The following LRRC8C variants were observed in gnomAD, a reference collection of about 807,000 sequenced individuals.
The protein encoded by LRRC8C is volume-regulated anion channel subunit LRRC8C.
Under a neutral mutation model 55.3 loss-of-function variants are expected in LRRC8C, and 20 were observed. The observed-to-expected ratio is 0.36, with a 90% CI of 0.25 to 0.53. The LOEUF (loss-of-function observed/expected upper bound fraction) is 0.53. Among genes scored for constraint, LRRC8C ranks in the 20% least tolerant of loss-of-function variants. The pLI is 0.92. For missense variants in LRRC8C, 659 were observed against 951.4 expected (o/e 0.69, Z 4.04); for synonymous variants, 376 against 360.7 (o/e 1.04, Z -0.48).
At chr1:89,631,253 G>A (rs1656099666), upstream of LRRC8C, among the ~76,000 whole-genome samples, 1 of 152,130 alleles carries the variant, frequency 6.6e-6, no homozygotes, top group South Asian at 2.1e-4. Flanking sequence ...TGTGGGTGGT[G>A]GGGAGGGGGC....
the LRRC8C span, among the ~76,000 whole-genome samples, chr1:89,620,903 G>A: frequency 6.2e-4 from 94 of 152,302 alleles, 1 homozygote; most frequent in South Asian, 0.018. Context: ...AGACCATGAC[G>A]ACTCCTCATT....
intron 1 of LRRC8C, among the ~76,000 whole-genome samples, chr1:89,671,310 A>G (rs1657407815): frequency 6.6e-6 from 1 of 152,068 alleles, no homozygotes; most frequent in South Asian, 2.1e-4. Flanking sequence ...AGAGGAGGAA[A>G]GGAGAAAAGG....
intron 1 of LRRC8C, among the ~76,000 whole-genome samples, chr1:89,644,845 G>C (rs1425297823): frequency 6.6e-6 from 1 of 152,214 alleles, no homozygotes; most frequent in East Asian, 1.9e-4. Flanking sequence ...TGCTTGAGCA[G>C]ACATTTTAGC....
At chr1:89,695,879 G>A (rs1199343183) in intron 2 of LRRC8C, among the ~76,000 whole-genome samples, 1 of 152,092 alleles carries the variant, frequency 6.6e-6, no homozygotes, top group East Asian at 1.9e-4. Context: ...AAAATGAGCA[G>A]GATAGGCATC....
chr1:89,657,194 TA>T (rs994302035), intron 1 of LRRC8C, among the ~76,000 whole-genome samples: 1 of 152,256 alleles, frequency 6.6e-6, no homozygotes, highest in African/African-American at 2.4e-5. Context: ...TATATACATC[TA>T]AGGCAATAAC....
chr1:89,711,910 T>A lies in LRRC8C; in HGVS notation c.139-799T>A, dbSNP rs140346164. Reference sequence around the variant, plus strand: ...TTTCCATTAAATTCATTCATATTGATCTATACATACAGTCTAGAATATGTG... The same window carrying A: ...TTTCCATTAAATTCATTCATATTGAACTATACATACAGTCTAGAATATGTG... On this transcript the variant is annotated intron_variant, in intron 2 of 2. Transcript: ENST00000370454. Among the ~76,000 whole-genome samples the A allele has an allele frequency of 2.1e-3, 324 of 152,336 alleles. 2 individuals carry two copies. Among genetic ancestry groups the A allele is most frequent in the African/African-American group, 7.3e-3 (305 of 41,574 alleles).
At chr1:89,682,823 T>C (rs1162328719) in intron 1 of LRRC8C, among the ~76,000 whole-genome samples, 2 of 152,270 alleles carry the variant, frequency 1.3e-5, no homozygotes, top group African/African-American at 4.8e-5. Flanking sequence ...GCACTTCTGC[T>C]GCATTCCAAA....
chr1:89,617,573 A>C, the LRRC8C span, among the ~76,000 whole-genome samples: 1 of 152,200 alleles, frequency 6.6e-6, no homozygotes, highest in Admixed American at 6.5e-5. Flanking sequence ...ACTTCCATGG[A>C]TTCCAGTAAT....
intron 1 of LRRC8C, among the ~76,000 whole-genome samples, chr1:89,641,857 A>G (rs950097742): frequency 6.6e-6 from 1 of 152,132 alleles, no homozygotes; most frequent in Non-Finnish European, 1.5e-5. Context: ...GGGCTTCTAT[A>G]TTTCTGTGTT....
rs1463548570 is a variant in LRRC8C at position 89,713,863 on chromosome 1, C to T, written c.1293C>T (p.Ile431=). Residue 431 remains isoleucine (I), a synonymous_variant, in exon 3 of 3, where the codon ATC becomes ATT. Transcript: ENST00000370454. The surrounding 1 kb of genome is among the most constrained non-coding windows in gnomAD (Gnocchi z 5.2). ...NAHNRLELPL[I]MLSGLPDTVF... is the part of the protein sequence containing the mutation. Reference sequence around the variant, plus strand: ...ATAATCGACTGGAATTGCCTCTTATCATGCTCTCTGGCCTTCCAGACACTG... The same window carrying T: ...ATAATCGACTGGAATTGCCTCTTATTATGCTCTCTGGCCTTCCAGACACTG... 7.4e-6 allele frequency: 12 copies of T among 1,613,494 alleles called. No homozygotes were observed. The Admixed American group carries it at 2.0e-4, about 27-fold the overall frequency.
At chr1:89,629,041 C>G (rs1349325326), upstream of LRRC8C, among the ~76,000 whole-genome samples, 1 of 152,170 alleles carries the variant, frequency 6.6e-6, no homozygotes, top group Admixed American at 6.5e-5. Flanking sequence ...GGTACAAATT[C>G]AACTGCCATT....
At chr1:89,700,385 G>T (rs2101325048) in intron 2 of LRRC8C, among the ~76,000 whole-genome samples, 1 of 152,314 alleles carries the variant, frequency 6.6e-6, no homozygotes, top group Middle Eastern at 3.4e-3. Context: ...AAGATTGCAA[G>T]TGCTTTTAGA....
intron 1 of LRRC8C, among the ~76,000 whole-genome samples, chr1:89,654,422 A>G (rs1277073429): frequency 6.6e-6 from 1 of 152,216 alleles, no homozygotes; most frequent in Non-Finnish European, 1.5e-5. Context: ...ATACAAAAAA[A>G]AGAGAAATGT....
intron 2 of LRRC8C, among the ~76,000 whole-genome samples, chr1:89,689,483 G>A (rs1657971425): frequency 6.6e-6 from 1 of 152,180 alleles, no homozygotes; most frequent in Non-Finnish European, 1.5e-5. Flanking sequence ...ATATACTGTA[G>A]GGGGTGAGGA....
At chr1:89,627,368 G>C in the LRRC8C span, among the ~76,000 whole-genome samples, 5 of 112,920 alleles carry the variant, frequency 4.4e-5, no homozygotes, top group Non-Finnish European at 1.0e-4. Flanking sequence ...TTCTAAGAAT[G>C]AGACTCTCTG....
intron 2 of LRRC8C, among the ~76,000 whole-genome samples, chr1:89,707,364 G>A (rs1009637720): frequency 2.2e-4 from 33 of 151,772 alleles, no homozygotes; most frequent in Non-Finnish European, 3.7e-4. Flanking sequence ...CTGAGATTGC[G>A]CCACTGCACT....
intron 1 of LRRC8C, 68 bp from the exon 2 acceptor site, chr1:89,686,402 A>C (rs1657884162): frequency 6.4e-7 from 1 of 1,556,598 alleles, no homozygotes; most frequent in East Asian, 2.2e-5. Context: ...TTGGAGCCAC[A>C]TTTGGTAACA....
the LRRC8C span, among the ~76,000 whole-genome samples, chr1:89,615,913 G>C: frequency 2.6e-5 from 4 of 152,152 alleles, no homozygotes; most frequent in Non-Finnish European, 5.9e-5. Context: ...GAAATCAACT[G>C]CTGGGAGCCC....
At chr1:89,637,529 T>C (rs2101174314) in intron 1 of LRRC8C, among the ~76,000 whole-genome samples, 1 of 152,014 alleles carries the variant, frequency 6.6e-6, no homozygotes, top group African/African-American at 2.4e-5. Context: ...GAAGCATAAC[T>C]ATAATACCTT....
Sources: gnomAD v4.1 joint callset for allele counts (sites outside exome capture counted in the v4.1 genomes callset) on GRCh38, gnomAD v4.1.1 for gene constraint, Gnocchi (gnomAD v3.1) non-coding constraint, MANE v1.5 for transcripts, NCBI Gene and HGNC (gene_info 2026-07-23, HGNC 2026-07-21) for gene names.